The following KIRREL3 variants were observed in gnomAD, a reference collection of about 807,000 sequenced individuals.
The protein encoded by KIRREL3 is kin of IRRE-like protein 3.
A neutral mutation model predicts 89.7 loss-of-function variants in KIRREL3; 36 were observed. The ratio of observed to expected loss-of-function variants is 0.40; its 90% CI spans 0.31 to 0.53. The LOEUF (loss-of-function observed/expected upper bound fraction) is 0.53, where lower values mean the gene tolerates loss of function less well. KIRREL3 is among the 20% of genes least tolerant of loss of function. The pLI is 0.49. For synonymous variants in KIRREL3, 445 were observed against 441.4 expected, an observed-to-expected ratio of 1.01 and a Z score of -0.10; for missense variants, 864 against 1,056.6, an observed-to-expected ratio of 0.82 and a Z score of 2.53.
In KIRREL3 at chr11:126,612,630, C is replaced by G. The variant is rs531614541; in HGVS notation, c.56-49718G>C. 6.6e-6 allele frequency among the ~76,000 whole-genome samples: 1 copy of G among 152,232 alleles called. No homozygotes were observed. Among genetic ancestry groups the G allele is most frequent in the Non-Finnish European group, 1.5e-5 (1 of 68,010 alleles). ...CTCATTTTGGAACAATTTCATCGCC[C>G]CCAAAATAAACCCCACACCCATCAC... On this transcript the variant is annotated intron_variant, in intron 1 of 16. Coordinates refer to ENST00000525144, the MANE Select transcript of KIRREL3 (RefSeq NM_032531.4). This position sits in a 1 kb window ranked among gnomAD's most constrained non-coding sequence, Gnocchi z 4.5.
In KIRREL3 at chr11:126,623,392, T is replaced by C. The variant is rs1329732905; in HGVS notation, c.56-60480A>G. Among the ~76,000 whole-genome samples the C allele has an allele frequency of 6.6e-6, 1 of 152,138 alleles. No individual in the cohort carries two copies. Among genetic ancestry groups the C allele is most frequent in the Non-Finnish European group, 1.5e-5 (1 of 68,028 alleles). On this transcript the variant is annotated intron_variant, in intron 1 of 16. Transcript: ENST00000525144. The surrounding 1 kb of genome is among the most constrained non-coding windows in gnomAD (Gnocchi z 4.1). Reference sequence around the variant, plus strand: ...ATTCTCCCACATCTCTGGGCACCCCTCTAATGTGCTCTTCTCAGCTTGTTG... The same window carrying C: ...ATTCTCCCACATCTCTGGGCACCCCCCTAATGTGCTCTTCTCAGCTTGTTG...
At position 126,805,343 on chromosome 11, in the gene KIRREL3, T is replaced by G. The variant is rs1442237361; in HGVS notation, c.55+195112A>C. Among the ~76,000 whole-genome samples, 3 of 152,008 alleles carry G rather than the reference T, an allele frequency of 2.0e-5. No homozygotes were observed. Among genetic ancestry groups the G allele is most frequent in the Non-Finnish European group, 4.4e-5 (3 of 67,998 alleles). ...CATTGATATGGAGAGGGAAAGGAGA[T>G]TACCCTATTACAAGTCATACTGGGT... On this transcript the variant is annotated intron_variant, in intron 1 of 16. Coordinates refer to ENST00000525144, the MANE Select transcript of KIRREL3 (RefSeq NM_032531.4). The surrounding 1 kb of genome is among the most constrained non-coding windows in gnomAD (Gnocchi z 4.3).
intron 11 of KIRREL3, among the ~76,000 whole-genome samples, chr11:126,437,567 C>G (rs762942398): frequency 6.9e-6 from 1 of 144,242 alleles, no homozygotes; most frequent in Non-Finnish European, 1.6e-5. Flanking sequence ...TGCACACATG[C>G]CTGCACATAT....
chr11:126,433,420 C>T (rs1031608332), intron 13 of KIRREL3, among the ~76,000 whole-genome samples: 1 of 152,176 alleles, frequency 6.6e-6, no homozygotes, highest in East Asian at 1.9e-4. Flanking sequence ...GCCCTCCGGC[C>T]AGAGGGAGCT....
rs559018443 is a variant in KIRREL3, at chr11:126,516,259, A to G, written c.433+5056T>C. ...GGAAGCTTTATTTCTAACGGGAGCC[A>G]CAAGACAGCAGAGTTAATATTAGAA... is the stretch of plus-strand genomic sequence containing the variant. On this transcript the variant is annotated intron_variant, in intron 4 of 16. Coordinates refer to ENST00000525144, the MANE Select transcript of KIRREL3 (RefSeq NM_032531.4). This position sits in a 1 kb window ranked among gnomAD's most constrained non-coding sequence, Gnocchi z 4.9. Among the ~76,000 whole-genome samples the G allele has an allele frequency of 6.6e-6, 1 of 152,316 alleles. No individual in the cohort carries two copies. Among genetic ancestry groups the G allele is most frequent in the Non-Finnish European group, 1.5e-5 (1 of 68,016 alleles).
chr11:126,939,258 A>T (rs1021515862), intron 1 of KIRREL3, among the ~76,000 whole-genome samples: 1 of 152,232 alleles, frequency 6.6e-6, no homozygotes, highest in African/African-American at 2.4e-5. Flanking sequence ...GATGGGCAAC[A>T]TCATCTATCT....
chr11:126,635,642 A>G lies in KIRREL3; in HGVS notation c.56-72730T>C, dbSNP rs566006512. The stretch of plus-strand genomic sequence containing the variant: ...AGATCTTGGGCCACAAGTCAGACAC[A>G]CCTAGACTAAGATGTGGCTTTGACC... On this transcript the variant is annotated intron_variant, in intron 1 of 16. Coordinates refer to ENST00000525144, the MANE Select transcript of KIRREL3 (RefSeq NM_032531.4). The surrounding 1 kb of genome is among the most constrained non-coding windows in gnomAD (Gnocchi z 4.0). Among the ~76,000 whole-genome samples, 16 of 152,206 alleles carry G rather than the reference A, an allele frequency of 1.1e-4. No individual in the cohort carries two copies. In the South Asian group the frequency reaches 2.9e-3, roughly 28 times the overall value.
In KIRREL3 at chr11:126,428,588, T is replaced by C. The variant is rs60474446; in HGVS notation, c.1806+591A>G. Among the ~76,000 whole-genome samples, 9,124 of 152,200 alleles carry C rather than the reference T, an allele frequency of 0.06. 874 individuals carry two copies. The highest frequency in any genetic ancestry group is 0.2 in the African/African-American group (8,484 of 41,462). ...TATATAACAACATATTGTGGCAATT[T>C]ATGCATATGTCTTTTCTCCTTACTG... On this transcript the variant is annotated intron_variant, in intron 15 of 16. Transcript: ENST00000525144. This position sits in a 1 kb window ranked among gnomAD's most constrained non-coding sequence, Gnocchi z 6.4.
chr11:126,583,049 C>G (rs918442283), intron 1 of KIRREL3, among the ~76,000 whole-genome samples: 3 of 152,188 alleles, frequency 2.0e-5, no homozygotes, highest in African/African-American at 7.2e-5. Context: ...TCCCATCTCT[C>G]CCATCCACAC....
In KIRREL3 at chr11:126,897,592, G is replaced by C. The variant is rs1320390138; in HGVS notation, c.55+102863C>G. 2.6e-5 allele frequency among the ~76,000 whole-genome samples: 4 copies of C among 151,892 alleles called. No individual in the cohort carries two copies. Among genetic ancestry groups the C allele is most frequent in the African/African-American group, 9.7e-5 (4 of 41,340 alleles). ...CTGTTTGTATATAGCAGACCATTAG[G>C]GTATTTTTATTTCTCTTCTCTCCAT... On this transcript the variant is annotated intron_variant, in intron 1 of 16. Transcript: ENST00000525144. This position sits in a 1 kb window ranked among gnomAD's most constrained non-coding sequence, Gnocchi z 4.2.
rs1180945934 is a variant in KIRREL3 at position 126,609,251 on chromosome 11, C to A, written c.56-46339G>T. ...ACTCTCCAGCCACACCTGTGAAGCTCCAGGCAGTTTCCCTAATGTCTCTCC... is the reference window on the plus strand; with the variant it reads ...ACTCTCCAGCCACACCTGTGAAGCTACAGGCAGTTTCCCTAATGTCTCTCC... On this transcript the variant is annotated intron_variant, in intron 1 of 16. Transcript: ENST00000525144. The surrounding 1 kb of genome is among the most constrained non-coding windows in gnomAD (Gnocchi z 5.0). Among the ~76,000 whole-genome samples the A allele has an allele frequency of 6.6e-6, 1 of 152,164 alleles. No homozygotes were observed. Among genetic ancestry groups the A allele is most frequent in the Non-Finnish European group, 1.5e-5 (1 of 68,026 alleles).
chr11:126,793,254 CG>C (rs1950702619), intron 1 of KIRREL3, among the ~76,000 whole-genome samples: 1 of 152,080 alleles, frequency 6.6e-6, no homozygotes, highest in African/African-American at 2.4e-5. Flanking sequence ...CCACAGTGCA[CG>C]GGGCTTTCTT....
chr11:126,839,431 G>T (rs1470609508), intron 1 of KIRREL3, among the ~76,000 whole-genome samples: 1 of 152,188 alleles, frequency 6.6e-6, no homozygotes, highest in Admixed American at 6.5e-5. Context: ...AATGGAAAGG[G>T]CATTGAAAAG....
chr11:126,722,163 C>G (rs914180479), intron 1 of KIRREL3, among the ~76,000 whole-genome samples: 1 of 152,260 alleles, frequency 6.6e-6, no homozygotes, highest in African/African-American at 2.4e-5. Context: ...CCATCCCAAT[C>G]TATCTGCCTG....
intron 1 of KIRREL3, among the ~76,000 whole-genome samples, chr11:126,827,216 T>C (rs10790842): frequency 0.86 from 130,954 of 151,694 alleles, 56,880 homozygotes; most frequent in East Asian, 1. Flanking sequence ...CTCGCTCTGT[T>C]GCCCAGGCTG....
chr11:126,586,132 G>A (rs946276418), intron 1 of KIRREL3, among the ~76,000 whole-genome samples: 1 of 152,166 alleles, frequency 6.6e-6, no homozygotes, highest in Non-Finnish European at 1.5e-5. Flanking sequence ...GATGATGGGA[G>A]GTGAGGAATG....
chr11:126,497,137 A>G (rs1957681332), intron 4 of KIRREL3, among the ~76,000 whole-genome samples: 1 of 151,666 alleles, frequency 6.6e-6, no homozygotes, highest in Admixed American at 6.6e-5. Context: ...TGTGTGACAG[A>G]GAGAGAGCGA....
chr11:126,444,971 G>T lies in KIRREL3; in HGVS notation c.1252+8C>A. 3 of 1,613,646 alleles carry T rather than the reference G, an allele frequency of 1.9e-6. No homozygotes were observed. The highest frequency in any genetic ancestry group is 2.2e-5 in the East Asian group (1 of 44,868). On this transcript the variant is annotated splice_region_variant and intron_variant, in intron 10 of 16. Coordinates refer to ENST00000525144, the MANE Select transcript of KIRREL3 (RefSeq NM_032531.4). The stretch of plus-strand genomic sequence containing the variant: ...CTCAGGCCTGGCTCACCCCAGCGAG[G>T]GTCTTACCATTGACGGTCAGGGTCA...
At chr11:126,511,584 G>T (rs1357621963) in intron 4 of KIRREL3, among the ~76,000 whole-genome samples, 2 of 152,156 alleles carry the variant, frequency 1.3e-5, no homozygotes, top group Non-Finnish European at 2.9e-5. Flanking sequence ...GTCCTATCCT[G>T]CCCCGAAACA....
Sources: allele counts gnomAD v4.1 joint callset (sites outside exome capture counted in the v4.1 genomes callset), GRCh38; gene constraint gnomAD v4.1.1; non-coding constraint Gnocchi (gnomAD v3.1); transcripts MANE v1.5; gene names NCBI Gene and HGNC (gene_info 2026-07-23, HGNC 2026-07-21).